The following IGF2BP3 variants were observed in gnomAD, a reference collection of about 807,000 sequenced individuals.
The protein encoded by IGF2BP3 is insulin-like growth factor 2 mRNA-binding protein 3.
IGF2BP3 carries 9 observed loss-of-function variants against 73.8 expected under a neutral mutation model. That is an observed-to-expected ratio of 0.12 (90% CI 0.07 to 0.21). The LOEUF is 0.21. Among genes scored for constraint, IGF2BP3 ranks in the 10% least tolerant of loss-of-function variants. IGF2BP3 has a pLI of 1.00. For missense variants in IGF2BP3, 542 were observed against 714.0 expected (o/e 0.76, Z 2.75); for synonymous variants, 258 against 256.7 (o/e 1.01, Z -0.05).
intron 10 of IGF2BP3, among the ~76,000 whole-genome samples, chr7:23,327,027 C>G (rs2128495611): frequency 6.6e-6 from 1 of 151,326 alleles, no homozygotes; most frequent in South Asian, 2.1e-4. Context: ...TGTAACTAAC[C>G]TGCACATTGT....
chr7:23,432,523 A>C (rs1039467125), intron 2 of IGF2BP3, among the ~76,000 whole-genome samples: 2 of 152,196 alleles, frequency 1.3e-5, no homozygotes, highest in Admixed American at 1.3e-4. Context: ...AAACAGGAAA[A>C]AAACAAACAA....
At chr7:23,363,570 T>C (rs1275492229) in intron 3 of IGF2BP3, among the ~76,000 whole-genome samples, 1 of 152,246 alleles carries the variant, frequency 6.6e-6, no homozygotes, top group Non-Finnish European at 1.5e-5. Flanking sequence ...ATAAGGTTAA[T>C]ACCTATTTAT....
intron 3 of IGF2BP3, chr7:23,415,148 G>C (rs970179966): frequency 1.1e-4 from 25 of 220,098 alleles, no homozygotes; most frequent in African/African-American, 6.1e-4. Flanking sequence ...CTGTCTGTCA[G>C]TCAGCTTCAC....
chr7:23,407,063 A>C (rs12535511), intron 3 of IGF2BP3, among the ~76,000 whole-genome samples: 1 of 152,118 alleles, frequency 6.6e-6, no homozygotes, highest in African/African-American at 2.4e-5. Context: ...GAGAGAGAAC[A>C]CAAAAATTAC....
At position 23,442,450 on chromosome 7, in the gene IGF2BP3, T is replaced by A. The variant is rs374049230; in HGVS notation, c.237-23626A>T. ...ACTTGCTCTGTCACCCAGGCTGGAG[T>A]ACAGTGGCCTGATCTGAGCTCAGTG... On this transcript the variant is annotated intron_variant, in intron 2 of 14. Transcript: ENST00000258729. Among the ~76,000 whole-genome samples the A allele has an allele frequency of 8.5e-5, 13 of 152,096 alleles. No homozygotes were observed. In the East Asian group the frequency reaches 2.3e-3, roughly 27 times the overall value.
chr7:23,464,693 T>A lies in IGF2BP3; in HGVS notation c.236+3789A>T, dbSNP rs540254174. 8.2e-5 allele frequency among the ~76,000 whole-genome samples: 12 copies of A among 145,932 alleles called. 1 individual carries two copies. The highest frequency in any genetic ancestry group is 4.3e-4 in the South Asian group (2 of 4,664). On this transcript the variant is annotated intron_variant, in intron 2 of 14. Coordinates refer to ENST00000258729, the MANE Select transcript of IGF2BP3 (RefSeq NM_006547.3). ...AGAGAGACTCCATCTTAAAAAAAAA[T>A]AAATAAATAAAAATAAAAATAAAAA...
In IGF2BP3 at chr7:23,313,651, A is replaced by C; in HGVS notation, c.1398T>G (p.Ala466=). The C allele has an allele frequency of 6.2e-7, 1 of 1,613,408 alleles. No individual in the cohort carries two copies. The highest frequency in any genetic ancestry group is 8.5e-7 in the Non-Finnish European group (1 of 1,179,912). Residue 466 remains alanine, a splice_region_variant and synonymous_variant, in exon 13 of 15, where the codon GCT becomes GCG. Transcript: ENST00000258729. ...ITGPPEAQFK[A]QGRIYGKIKE... Reference sequence around the variant, plus strand: ...TAATTTTTCCATAAATTCTTCCCTGAGCCTGCAGATGAAAACACATCCTAT... The same window carrying C: ...TAATTTTTCCATAAATTCTTCCCTGCGCCTGCAGATGAAAACACATCCTAT...
intron 3 of IGF2BP3, among the ~76,000 whole-genome samples, chr7:23,388,131 G>A (rs1362772731): frequency 1.3e-5 from 2 of 152,002 alleles, no homozygotes; most frequent in African/African-American, 4.8e-5. Flanking sequence ...TAGAGGCGGG[G>A]TTTCACCGTG....
intron 10 of IGF2BP3, among the ~76,000 whole-genome samples, chr7:23,330,282 T>C (rs1169648714): frequency 6.6e-6 from 1 of 150,760 alleles, no homozygotes; most frequent in Non-Finnish European, 1.5e-5. Context: ...CAAGACTCTG[T>C]CTCAAAAAAA....
Position 23,460,754 on chromosome 7 carries a change from A to C in IGF2BP3, c.236+7728T>G, listed in dbSNP as rs985571093. On this transcript the variant is annotated intron_variant, in intron 2 of 14. Coordinates refer to ENST00000258729, the MANE Select transcript of IGF2BP3 (RefSeq NM_006547.3). ...CACCTGAGGTCAGGGGTTCAAGACC[A>C]TTCTGGCCAACATGGTGAAACCCTG... Among the ~76,000 whole-genome samples, 13 of 152,270 alleles carry C rather than the reference A, an allele frequency of 8.5e-5. No individual in the cohort carries two copies. The East Asian group carries it at 9.7e-4, about 11-fold the overall frequency.
intron 2 of IGF2BP3, among the ~76,000 whole-genome samples, chr7:23,463,734 C>T (rs1265075898): frequency 6.6e-6 from 1 of 152,208 alleles, no homozygotes; most frequent in Admixed American, 6.5e-5. Flanking sequence ...GACAGCCATA[C>T]AGTAGAAGCC....
intron 3 of IGF2BP3, among the ~76,000 whole-genome samples, chr7:23,364,669 C>T (rs1785324311): frequency 6.6e-6 from 1 of 150,990 alleles, no homozygotes; most frequent in Non-Finnish European, 1.5e-5. Context: ...TGTTTTACTT[C>T]ATACTTAAGT....
intron 3 of IGF2BP3, among the ~76,000 whole-genome samples, chr7:23,398,622 G>GT (rs1346538290): frequency 1.3e-5 from 2 of 152,146 alleles, no homozygotes; most frequent in African/African-American, 2.4e-5. Flanking sequence ...GTATGAGATG[G>GT]TATCTCATTG....
At chr7:23,334,812 C>G (rs760227403) in intron 10 of IGF2BP3, among the ~76,000 whole-genome samples, 10 of 152,130 alleles carry the variant, frequency 6.6e-5, no homozygotes, top group Non-Finnish European at 1.5e-4. Flanking sequence ...TGAAGACATA[C>G]AAGTATGAGC....
intron 3 of IGF2BP3, chr7:23,396,516 G>GAA: frequency 2.5e-5 from 4 of 159,800 alleles, no homozygotes; most frequent in South Asian, 1.6e-4. Context: ...GTTTTCTGAA[G>GAA]AAAAAAAAAA....
chr7:23,448,529 A>G (rs1011440556), intron 2 of IGF2BP3, among the ~76,000 whole-genome samples: 6 of 152,148 alleles, frequency 3.9e-5, no homozygotes, highest in Non-Finnish European at 5.9e-5. Flanking sequence ...CAGCCTCCCA[A>G]GTAGCTGGGA....
At chr7:23,370,288 G>C (rs1014045276) in intron 3 of IGF2BP3, among the ~76,000 whole-genome samples, 1 of 152,156 alleles carries the variant, frequency 6.6e-6, no homozygotes, top group Admixed American at 6.5e-5. Flanking sequence ...TGATTGTCAG[G>C]TGTGTCACAG....
intron 2 of IGF2BP3, among the ~76,000 whole-genome samples, chr7:23,439,275 G>A (rs553250128): frequency 2.1e-3 from 324 of 151,992 alleles, no homozygotes; most frequent in South Asian, 3.5e-3. Context: ...ATGTTTGGCC[G>A]GGCACGGTGG....
At chr7:23,349,969 T>A (rs1292020994) in intron 6 of IGF2BP3, among the ~76,000 whole-genome samples, 2 of 152,210 alleles carry the variant, frequency 1.3e-5, no homozygotes, top group African/African-American at 4.8e-5. Context: ...TATGGTCCAG[T>A]TGTCTTTCCC....
Sources: gnomAD v4.1 joint callset for allele counts (sites outside exome capture counted in the v4.1 genomes callset) on GRCh38, gnomAD v4.1.1 for gene constraint, MANE v1.5 for transcripts, NCBI Gene and HGNC (gene_info 2026-07-23, HGNC 2026-07-21) for gene names.